The following AFF2 variants were observed in gnomAD, a reference collection of about 807,000 sequenced individuals.
AFF2 encodes the protein AF4/FMR2 family member 2.
Under a neutral mutation model 76.9 loss-of-function variants are expected in AFF2, and 14 were observed. The observed-to-expected ratio is 0.18, with a 90% CI of 0.12 to 0.28. AFF2 has a LOEUF of 0.28. AFF2 is among the 10% of genes least tolerant of loss of function. The pLI is 1.00. For synonymous variants in AFF2, 398 were observed against 366.7 expected (o/e 1.09, Z -0.98); for missense variants, 868 against 1,001.1 (o/e 0.87, Z 1.79).
chrX:148,728,989 G>T (rs781935472), intron 3 of AFF2, among the ~76,000 whole-genome samples: 1 of 112,106 alleles, frequency 8.9e-6, no homozygotes, highest in African/African-American at 3.2e-5. Flanking sequence ...ACTTGGGTTT[G>T]TGTGTCACTC....
At chrX:148,831,298 A>G (rs782454314) in intron 4 of AFF2, among the ~76,000 whole-genome samples, 1 of 112,561 alleles carries the variant, frequency 8.9e-6, no homozygotes, top group Non-Finnish European at 1.9e-5. Context: ...AGATTAAAGT[A>G]AAGACAGGCA....
chrX:148,878,518 G>A (rs921255975), intron 7 of AFF2, among the ~76,000 whole-genome samples: 2 of 111,540 alleles, frequency 1.8e-5, no homozygotes, highest in African/African-American at 3.3e-5. Flanking sequence ...ACCAAGCCTC[G>A]TATATGGTCT....
chrX:148,967,968 C>T (rs956713412), intron 15 of AFF2, among the ~76,000 whole-genome samples: 1 of 111,636 alleles, frequency 9.0e-6, no homozygotes, highest in Admixed American at 9.5e-5. Context: ...ACTGTCATTA[C>T]CTTTCAAGTG....
intron 4 of AFF2, among the ~76,000 whole-genome samples, chrX:148,816,894 A>C (rs2070270661): frequency 9.6e-6 from 1 of 104,546 alleles, no homozygotes; most frequent in Non-Finnish European, 2.0e-5. Flanking sequence ...GACATGAAAA[A>C]AAAAATAGTA....
At chrX:148,884,913 T>G (rs1321267394) in intron 7 of AFF2, among the ~76,000 whole-genome samples, 1 of 112,150 alleles carries the variant, frequency 8.9e-6, no homozygotes, top group Non-Finnish European at 1.9e-5. Flanking sequence ...GCCCTGGAGC[T>G]GAGCCTGATG....
chrX:148,946,126 C>T (rs1557286068), intron 9 of AFF2, among the ~76,000 whole-genome samples: 1 of 112,232 alleles, frequency 8.9e-6, no homozygotes, highest in Admixed American at 9.4e-5. Context: ...GAAATAGGAA[C>T]CAACAGCTGG....
intron 1 of AFF2, among the ~76,000 whole-genome samples, chrX:148,622,298 A>G (rs1230341053): frequency 8.9e-6 from 1 of 111,955 alleles, no homozygotes; most frequent in Non-Finnish European, 1.9e-5. Context: ...TAAGGGATTG[A>G]CACACAAAAT....
rs782310691 is a variant in AFF2 at position 148,974,988 on chromosome X, C to G, written c.3404+1381C>G. On this transcript the variant is annotated intron_variant, in intron 16 of 20. Coordinates refer to ENST00000370460, the MANE Select transcript of AFF2 (RefSeq NM_002025.4). ...AACAAACACAGGGACAATTCATGCT[C>G]TCTATTCATTCAAAAATGCAAATTA... Among the ~76,000 whole-genome samples, 10 of 112,160 alleles carry G rather than the reference C, an allele frequency of 8.9e-5. No homozygotes were observed. In the East Asian group the frequency reaches 2.5e-3, roughly 28 times the overall value.
Position 148,501,042 on chromosome X carries a change from C to A in AFF2, c.-56C>A, listed in dbSNP as rs782797723. 1 of 1,191,466 alleles carries A rather than the reference C, an allele frequency of 8.4e-7. No homozygotes were observed. The highest frequency in any genetic ancestry group is 3.0e-5 in the East Asian group (1 of 33,317). ...CGCCAGCGAGCTGTGCCGAGAGCCG[C>A]GCCGACCCGCTGCGATCAGGGACAG... On this transcript the variant is annotated 5_prime_UTR_variant, in exon 1 of 21. Coordinates refer to ENST00000370460, the MANE Select transcript of AFF2 (RefSeq NM_002025.4).
At chrX:148,567,596 C>T (rs782341418) in intron 1 of AFF2, among the ~76,000 whole-genome samples, 1 of 111,136 alleles carries the variant, frequency 9.0e-6, no homozygotes, top group African/African-American at 3.3e-5. Context: ...TCTTTTAACT[C>T]TCTGATATAC....
chrX:148,989,522 C>T (rs1007152138), intron 20 of AFF2, among the ~76,000 whole-genome samples: 28 of 112,141 alleles, frequency 2.5e-4, no homozygotes, highest in Middle Eastern at 4.6e-3. Context: ...GGGTTTTCAG[C>T]GGACTGGGGA....
intron 3 of AFF2, among the ~76,000 whole-genome samples, chrX:148,779,451 C>T (rs782169824): frequency 3.6e-5 from 4 of 111,482 alleles, no homozygotes; most frequent in Admixed American, 9.5e-5. Context: ...GGTGTTAAAG[C>T]GTCCCACTAT....
intron 3 of AFF2, among the ~76,000 whole-genome samples, chrX:148,757,417 G>A (rs1557266972): frequency 1.8e-5 from 2 of 111,387 alleles, no homozygotes; most frequent in African/African-American, 6.5e-5. Context: ...TGTGTGTACT[G>A]TATGTGTGTG....
intron 8 of AFF2, 49 bp from the exon 9 acceptor site, chrX:148,904,172 G>A: frequency 1.2e-6 from 1 of 822,786 alleles, no homozygotes; most frequent in Non-Finnish European, 1.8e-6. Flanking sequence ...TAGTTGCAAT[G>A]ATTATGCCTG....
chrX:148,672,388 C>G (rs911997736), intron 3 of AFF2, among the ~76,000 whole-genome samples: 2 of 112,156 alleles, frequency 1.8e-5, no homozygotes, highest in Non-Finnish European at 3.8e-5. Context: ...TCTGCAGAAA[C>G]TTAGTCTCGG....
chrX:148,696,872 CA>C (rs2054727854), intron 3 of AFF2, among the ~76,000 whole-genome samples: 2 of 111,805 alleles, frequency 1.8e-5, no homozygotes, highest in Admixed American at 1.9e-4. Context: ...CATTGTTGGC[CA>C]GAGGCAATTT....
chrX:148,903,388 A>G (rs910825070), intron 8 of AFF2, among the ~76,000 whole-genome samples: 2 of 112,362 alleles, frequency 1.8e-5, no homozygotes, highest in South Asian at 3.7e-4. Flanking sequence ...TTTTAATTCC[A>G]GAAGAATCGA....
intron 7 of AFF2, among the ~76,000 whole-genome samples, chrX:148,856,562 C>T (rs1307073682): frequency 9.0e-6 from 1 of 111,270 alleles, no homozygotes; most frequent in Non-Finnish European, 1.9e-5. Context: ...GGAAATGGCA[C>T]CACCTCCTCA....
At chrX:148,723,919 CTTTT>C (rs782084454) in intron 3 of AFF2, among the ~76,000 whole-genome samples, 1 of 84,580 alleles carries the variant, frequency 1.2e-5, no homozygotes, top group Non-Finnish European at 2.3e-5. Flanking sequence ...TTTCTTTTTT[CTTTT>C]TTTTTTTTTT....
Sources: allele counts gnomAD v4.1 joint callset (sites outside exome capture counted in the v4.1 genomes callset), GRCh38; gene constraint gnomAD v4.1.1; transcripts MANE v1.5; gene names NCBI Gene and HGNC (gene_info 2026-07-23, HGNC 2026-07-21).